FGF12: variants seen among roughly 807,000 people sequenced by gnomAD.
FGF12 encodes fibroblast growth factor 12.
FGF12 carries 14 observed loss-of-function variants against 23.6 expected under a neutral mutation model. The ratio of observed to expected loss-of-function variants is 0.59; its 90% CI spans 0.39 to 0.93. The LOEUF (loss-of-function observed/expected upper bound fraction) is 0.93, where lower values mean the gene tolerates loss of function less well. FGF12 is among the 40% of genes least tolerant of loss of function. FGF12 has a pLI of 0.00. For synonymous variants in FGF12, 62 were observed against 77.3 expected (o/e 0.80, Z 1.04); for missense variants, 175 against 217.8 (o/e 0.80, Z 1.24).
At chr3:192,156,266 C>T (rs1714411770) in intron 5 of FGF12, among the ~76,000 whole-genome samples, 1 of 152,160 alleles carries the variant, frequency 6.6e-6, no homozygotes, top group Non-Finnish European at 1.5e-5. Flanking sequence ...TCCTGTTCCA[C>T]AAAAACTCAG....
chr3:192,654,299 T>G (rs1180153760), intron 2 of FGF12, among the ~76,000 whole-genome samples: 2 of 152,160 alleles, frequency 1.3e-5, no homozygotes, highest in African/African-American at 4.8e-5. Context: ...AATACATAGT[T>G]GCAGTGTCAC....
intron 2 of FGF12, among the ~76,000 whole-genome samples, chr3:192,399,477 A>G (rs1560099560): frequency 6.6e-6 from 1 of 152,250 alleles, no homozygotes; most frequent in Non-Finnish European, 1.5e-5. Flanking sequence ...GTATTTTATC[A>G]TAACAACCAG....
chr3:192,233,755 G>C (rs563765019), intron 4 of FGF12, among the ~76,000 whole-genome samples: 1 of 151,904 alleles, frequency 6.6e-6, no homozygotes, highest in Non-Finnish European at 1.5e-5. Flanking sequence ...TTCAGTCTTC[G>C]GCATATGGCT....
At chr3:192,381,461 G>A (rs552465795) in intron 2 of FGF12, among the ~76,000 whole-genome samples, 5 of 152,110 alleles carry the variant, frequency 3.3e-5, no homozygotes, top group Admixed American at 6.6e-5. Context: ...TGAACAAGGC[G>A]GTATGGCTAG....
At chr3:192,565,479 T>TTA (rs1712232162) in intron 2 of FGF12, among the ~76,000 whole-genome samples, 1 of 152,204 alleles carries the variant, frequency 6.6e-6, no homozygotes, top group African/African-American at 2.4e-5. Flanking sequence ...TCCTATAAGA[T>TTA]TATAATACCA....
At chr3:192,686,935 TCTC>T (rs1190849820) in intron 2 of FGF12, among the ~76,000 whole-genome samples, 3 of 146,836 alleles carry the variant, frequency 2.0e-5, no homozygotes, top group Non-Finnish European at 4.5e-5. Context: ...TTCATGCCAT[TCTC>T]CTGCCTCAGC....
At chr3:192,337,353 T>C (rs1054536787) in intron 3 of FGF12, among the ~76,000 whole-genome samples, 19 of 152,048 alleles carry the variant, frequency 1.2e-4, no homozygotes, top group Non-Finnish European at 2.1e-4. Context: ...GAAAACATTT[T>C]AGTGAGGTGG....
At chr3:192,655,668 G>T (rs1017654636) in intron 2 of FGF12, among the ~76,000 whole-genome samples, 1 of 152,150 alleles carries the variant, frequency 6.6e-6, no homozygotes, top group Non-Finnish European at 1.5e-5. Flanking sequence ...AGAAAATTTT[G>T]ATTAGGACTA....
At chr3:192,300,838 G>A (rs1488691897) in intron 4 of FGF12, among the ~76,000 whole-genome samples, 1 of 151,916 alleles carries the variant, frequency 6.6e-6, no homozygotes, top group Non-Finnish European at 1.5e-5. Flanking sequence ...ACAACATGGT[G>A]AAACCCCATC....
intron 2 of FGF12, among the ~76,000 whole-genome samples, chr3:192,507,228 G>A (rs1185491107): frequency 1.3e-5 from 2 of 151,784 alleles, no homozygotes; most frequent in African/African-American, 4.8e-5. Flanking sequence ...GGCTCTTCTG[G>A]GGTGAGCCTC....
At chr3:192,241,757 C>CT (rs1454819020) in intron 4 of FGF12, among the ~76,000 whole-genome samples, 1 of 152,186 alleles carries the variant, frequency 6.6e-6, no homozygotes, top group Non-Finnish European at 1.5e-5. Context: ...TCTGCTTGTT[C>CT]TGTCCATTGC....
intron 2 of FGF12, among the ~76,000 whole-genome samples, chr3:192,415,741 C>CAG (rs1721331608): frequency 6.7e-6 from 1 of 150,144 alleles, no homozygotes; most frequent in African/African-American, 2.5e-5. Context: ...CTCACACACA[C>CAG]ACACACACAC....
chr3:192,588,955 A>G (rs969077350), intron 2 of FGF12, among the ~76,000 whole-genome samples: 5 of 152,094 alleles, frequency 3.3e-5, no homozygotes, highest in Non-Finnish European at 7.4e-5. Context: ...CAGAATACTC[A>G]AGTGCTGAGA....
At chr3:192,213,382 T>G (rs1047671068) in intron 4 of FGF12, among the ~76,000 whole-genome samples, 4 of 152,156 alleles carry the variant, frequency 2.6e-5, no homozygotes, top group African/African-American at 9.7e-5. Flanking sequence ...TGTTTGAAAC[T>G]CTAAATCCAA....
At chr3:192,672,564 C>T (rs1363081493) in intron 2 of FGF12, among the ~76,000 whole-genome samples, 5 of 150,866 alleles carry the variant, frequency 3.3e-5, no homozygotes, top group African/African-American at 7.3e-5. Context: ...GGGACAGATC[C>T]GTGAGAAGGC....
rs71635390 is a variant in FGF12 at position 192,567,813 on chromosome 3, TTCTC to T, written c.13+159364_13+159367del. On this transcript the variant is annotated intron_variant, in intron 2 of 5. Coordinates refer to ENST00000445105, the MANE Select transcript of FGF12 (RefSeq NM_004113.6). ...TCTTTCTTTCTTTCTCTTTCTTTCT[TTCTC>T]TCTCTCTCTCTCTTTTCTTTCTTTC... Among the ~76,000 whole-genome samples the T allele has an allele frequency of 1.1e-3, 167 of 146,084 alleles. 1 individual carries two copies. The highest frequency in any genetic ancestry group is 3.6e-3 in the East Asian group (18 of 4,986).
chr3:192,404,715 T>G (rs554635536), intron 2 of FGF12, among the ~76,000 whole-genome samples: 2 of 152,294 alleles, frequency 1.3e-5, no homozygotes, highest in South Asian at 2.1e-4. Flanking sequence ...CATCCAACTT[T>G]CCAGTTCAGG....
At chr3:192,399,798 C>T (rs1449415329) in intron 2 of FGF12, among the ~76,000 whole-genome samples, 5 of 152,158 alleles carry the variant, frequency 3.3e-5, no homozygotes, top group African/African-American at 7.2e-5. Context: ...CATACAGATC[C>T]TATTTGACCC....
chr3:192,617,548 G>A (rs1714806782), intron 2 of FGF12, among the ~76,000 whole-genome samples: 1 of 152,070 alleles, frequency 6.6e-6, no homozygotes, highest in Non-Finnish European at 1.5e-5. Context: ...TTATAAGAAT[G>A]GGCAAAGCCA....
Sources: allele counts gnomAD v4.1 joint callset (sites outside exome capture counted in the v4.1 genomes callset), GRCh38; gene constraint gnomAD v4.1.1; transcripts MANE v1.5; gene names NCBI Gene and HGNC (gene_info 2026-07-23, HGNC 2026-07-21).